The following MARCHF11 variants were observed in gnomAD, a reference collection of about 807,000 sequenced individuals.
MARCHF11 encodes the protein membrane associated ring-CH-type finger 11, also known as E3 ubiquitin-protein ligase MARCHF11.
MARCHF11 carries 29 observed loss-of-function variants against 37.3 expected under a neutral mutation model. That is an observed-to-expected ratio of 0.78 (90% CI 0.58 to 1.06). The LOEUF (loss-of-function observed/expected upper bound fraction) is 1.06. Among genes scored for constraint, MARCHF11 ranks in the 50% least tolerant of loss-of-function variants. The pLI is 0.00. For synonymous variants in MARCHF11, 233 were observed against 228.0 expected (o/e 1.02, Z -0.20); for missense variants, 482 against 533.4 (o/e 0.90, Z 0.95).
chr5:16,145,854 G>A (rs1020193234), intron 2 of MARCHF11, among the ~76,000 whole-genome samples: 6 of 152,074 alleles, frequency 3.9e-5, no homozygotes, highest in South Asian at 4.2e-4. Flanking sequence ...ACTTTCTTAT[G>A]TTTCTAGGTA....
rs116724311 is a variant in MARCHF11 at position 16,139,443 on chromosome 5, G to A, written c.693+38283C>T. Reference sequence around the variant, plus strand: ...TTTTCTTTATAAATTACCCAGTCTCGGGTATGTCTTTGTAGCACTATTAAA... The same window carrying A: ...TTTTCTTTATAAATTACCCAGTCTCAGGTATGTCTTTGTAGCACTATTAAA... On this transcript the variant is annotated intron_variant, in intron 2 of 3. Transcript: ENST00000332432. Among the ~76,000 whole-genome samples the A allele has an allele frequency of 3.2e-3, 488 of 152,132 alleles. 1 individual carries two copies. The highest frequency in any genetic ancestry group is 0.011 in the African/African-American group (462 of 41,508).
chr5:16,170,545 T>C (rs999281766), intron 2 of MARCHF11, among the ~76,000 whole-genome samples: 1 of 152,184 alleles, frequency 6.6e-6, no homozygotes, highest in Non-Finnish European at 1.5e-5. Flanking sequence ...GGCTAATGTA[T>C]GAGTAATGAA....
chr5:16,071,199 TACATGAAGCGAAAAGC>T (rs1736430758), intron 3 of MARCHF11, among the ~76,000 whole-genome samples: 1 of 152,220 alleles, frequency 6.6e-6, no homozygotes. Context: ...TCACTAAGCT[TACATGAAGCGAAAAGC>T]AATGATCACT....
chr5:16,148,437 C>T (rs1274542246), intron 2 of MARCHF11, among the ~76,000 whole-genome samples: 2 of 152,104 alleles, frequency 1.3e-5, no homozygotes, highest in Non-Finnish European at 2.9e-5. Flanking sequence ...GCAATCTTTC[C>T]CTGGTACCAA....
chr5:16,091,621 A>G (rs1360831109), intron 2 of MARCHF11, among the ~76,000 whole-genome samples: 2 of 152,222 alleles, frequency 1.3e-5, no homozygotes, highest in Admixed American at 1.3e-4. Context: ...ATTGTACATT[A>G]TCTGTTATTG....
At chr5:16,173,544 C>T (rs942898712) in intron 2 of MARCHF11, among the ~76,000 whole-genome samples, 1 of 152,152 alleles carries the variant, frequency 6.6e-6, no homozygotes, top group Admixed American at 6.5e-5. Context: ...TCTCATTACA[C>T]CTGCTTTTAA....
chr5:16,095,284 G>C (rs529059660), intron 2 of MARCHF11, among the ~76,000 whole-genome samples: 1 of 152,254 alleles, frequency 6.6e-6, no homozygotes, highest in African/African-American at 2.4e-5. Flanking sequence ...TAATGCAAGG[G>C]GAGATGTCCC....
At chr5:16,156,739 C>T (rs1737983167) in intron 2 of MARCHF11, among the ~76,000 whole-genome samples, 1 of 151,846 alleles carries the variant, frequency 6.6e-6, no homozygotes, top group Non-Finnish European at 1.5e-5. Flanking sequence ...AGTGTACTTA[C>T]ACAAACTTAA....
chr5:16,106,427 T>C (rs1353350652), intron 2 of MARCHF11, among the ~76,000 whole-genome samples: 2 of 152,244 alleles, frequency 1.3e-5, no homozygotes, highest in Non-Finnish European at 2.9e-5. Flanking sequence ...CTGACCATAC[T>C]GTGAGCTCTC....
At chr5:16,173,727 A>C (rs1381156723) in intron 2 of MARCHF11, among the ~76,000 whole-genome samples, 1 of 152,228 alleles carries the variant, frequency 6.6e-6, no homozygotes. Context: ...TGTGGCAGTG[A>C]GCAAGTGAAG....
chr5:16,129,382 G>C (rs776296355), intron 2 of MARCHF11: 7 of 152,020 alleles, frequency 4.6e-5, no homozygotes, highest in Non-Finnish European at 8.8e-5. Flanking sequence ...GCATTGCTCA[G>C]GAAAGCTTTT....
At chr5:16,086,784 A>G (rs1736705629) in intron 3 of MARCHF11, among the ~76,000 whole-genome samples, 1 of 152,196 alleles carries the variant, frequency 6.6e-6, no homozygotes, top group Non-Finnish European at 1.5e-5. Context: ...TCAAACTTTT[A>G]GTCATTAATA....
At chr5:16,083,969 T>C (rs1736653174) in intron 3 of MARCHF11, among the ~76,000 whole-genome samples, 2 of 152,214 alleles carry the variant, frequency 1.3e-5, no homozygotes, top group South Asian at 4.1e-4. Flanking sequence ...AGTTTGATTA[T>C]CCTGAATTTC....
chr5:16,080,520 C>T (rs1357628688), intron 3 of MARCHF11, among the ~76,000 whole-genome samples: 5 of 152,132 alleles, frequency 3.3e-5, no homozygotes, highest in Admixed American at 6.5e-5. Context: ...ACTTGGATTC[C>T]CCAGAAACTC....
At chr5:16,148,835 G>A (rs533714278) in intron 2 of MARCHF11, among the ~76,000 whole-genome samples, 76 of 152,238 alleles carry the variant, frequency 5.0e-4, no homozygotes, top group African/African-American at 1.7e-3. Flanking sequence ...GGACAGACAG[G>A]CATGCTCAGC....
intron 2 of MARCHF11, among the ~76,000 whole-genome samples, chr5:16,160,811 T>C (rs1204062736): frequency 6.6e-6 from 1 of 151,858 alleles, no homozygotes; most frequent in Non-Finnish European, 1.5e-5. Context: ...GAATTTATTT[T>C]CCAAAAAGGT....
chr5:16,106,259 A>T (rs943757726), intron 2 of MARCHF11, among the ~76,000 whole-genome samples: 3 of 152,212 alleles, frequency 2.0e-5, no homozygotes, highest in African/African-American at 7.2e-5. Context: ...CCCCATTCAA[A>T]ATAAGCCTAT....
At chr5:16,122,952 A>G (rs148551923) in intron 2 of MARCHF11, among the ~76,000 whole-genome samples, 1 of 152,294 alleles carries the variant, frequency 6.6e-6, no homozygotes, top group East Asian at 1.9e-4. Flanking sequence ...TATTGCCCAG[A>G]CAAGTCTTTC....
chr5:16,109,930 A>G (rs1737108421), intron 2 of MARCHF11, among the ~76,000 whole-genome samples: 1 of 152,234 alleles, frequency 6.6e-6, no homozygotes, highest in African/African-American at 2.4e-5. Context: ...CTAATTCAGC[A>G]TCACAGGAGG....
Sources: gnomAD v4.1 joint callset for allele counts (sites outside exome capture counted in the v4.1 genomes callset) on GRCh38, gnomAD v4.1.1 for gene constraint, MANE v1.5 for transcripts, NCBI Gene and HGNC (gene_info 2026-07-23, HGNC 2026-07-21) for gene names.